STIM2: variants seen among roughly 807,000 people sequenced by gnomAD.
The protein encoded by STIM2 is stromal interaction molecule 2.
In STIM2, 31 loss-of-function variants were observed where a neutral mutation model predicts 85.8. The observed-to-expected ratio is 0.36, with a 90% CI of 0.27 to 0.49. STIM2 has a LOEUF of 0.49. Among genes scored for constraint, STIM2 ranks in the 20% least tolerant of loss-of-function variants. The pLI is 0.98. For synonymous variants in STIM2, 356 were observed against 331.1 expected, an observed-to-expected ratio of 1.08 and a Z score of -0.82; for missense variants, 841 against 927.6, an observed-to-expected ratio of 0.91 and a Z score of 1.21.
intron 2 of STIM2, among the ~76,000 whole-genome samples, chr4:26,923,367 C>G (rs997892399): frequency 6.6e-6 from 1 of 152,046 alleles, no homozygotes; most frequent in Non-Finnish European, 1.5e-5. Flanking sequence ...CAGAACAAAG[C>G]TGGATGGAGA....
At chr4:26,947,470 TG>T (rs1725876824) in intron 2 of STIM2, among the ~76,000 whole-genome samples, 1 of 151,854 alleles carries the variant, frequency 6.6e-6, no homozygotes, top group Non-Finnish European at 1.5e-5. Context: ...CCAGTGTGGG[TG>T]GGGAGTGGGG....
At chr4:26,887,183 CTTTTTTTTTTTTTTT>C (rs34736602) in intron 1 of STIM2, among the ~76,000 whole-genome samples, 1 of 70,944 alleles carries the variant, frequency 1.4e-5, no homozygotes, top group Non-Finnish European at 2.6e-5. Context: ...AATAATTAAA[CTTTTTTTTTTTTTTT>C]TTTTTTTTTG....
chr4:27,021,125 A>C (rs1577502565), intron 11 of STIM2: 1 of 1,434,176 alleles, frequency 7.0e-7, no homozygotes, highest in Non-Finnish European at 9.5e-7. Flanking sequence ...TCATTCATTC[A>C]CCCACCCTTC....
chr4:26,932,112 G>A (rs551526216), intron 2 of STIM2, among the ~76,000 whole-genome samples: 1 of 152,226 alleles, frequency 6.6e-6, no homozygotes, highest in East Asian at 1.9e-4. Flanking sequence ...TATCTTATAT[G>A]CAGATGAGGA....
At chr4:26,977,472 T>A (rs1253281815) in intron 3 of STIM2, among the ~76,000 whole-genome samples, 1 of 152,196 alleles carries the variant, frequency 6.6e-6, no homozygotes, top group African/African-American at 2.4e-5. Flanking sequence ...AATATTAGAC[T>A]CTTGAGGAGA....
intron 10 of STIM2, among the ~76,000 whole-genome samples, chr4:27,015,577 A>G (rs1339841728): frequency 6.6e-6 from 1 of 152,040 alleles, no homozygotes; most frequent in Non-Finnish European, 1.5e-5. Flanking sequence ...ATGTAACTAG[A>G]TATAAAATTC....
chr4:27,015,085 G>A (rs1728689985), intron 10 of STIM2, among the ~76,000 whole-genome samples: 1 of 151,744 alleles, frequency 6.6e-6, no homozygotes, highest in African/African-American at 2.4e-5. Flanking sequence ...AGCAGTAACT[G>A]GTTTTATTTT....
At chr4:27,019,744 T>A in intron 11 of STIM2, 1 of 305,154 alleles carries the variant, frequency 3.3e-6, no homozygotes, top group East Asian at 7.9e-5. Context: ...TATGCACATA[T>A]ATGCTCATTT....
Position 26,877,516 on chromosome 4 carries a change from GTT to G in STIM2, c.151+16159_151+16160del, listed in dbSNP as rs71643698. On this transcript the variant is annotated intron_variant, in intron 1 of 11. Transcript: ENST00000467087. ...TTGCTTTATCTCTTGACGATGGGTT[GTT>G]TTTTTTTTTTTCCTTCTTTAAATGT... Among the ~76,000 whole-genome samples, 185 of 139,238 alleles carry G rather than the reference GTT, an allele frequency of 1.3e-3. 1 individual carries two copies. The highest frequency in any genetic ancestry group is 4.5e-3 in the African/African-American group (174 of 38,516). 91.3% of individuals were successfully genotyped at this position (139,238 alleles called of 152,430 possible).
At chr4:26,947,806 A>G (rs554157363) in intron 2 of STIM2, among the ~76,000 whole-genome samples, 2 of 152,232 alleles carry the variant, frequency 1.3e-5, no homozygotes, top group South Asian at 2.1e-4. Context: ...CTTTGCACAC[A>G]TGAAAAAAAA....
chr4:26,914,342 A>G (rs757049476), intron 1 of STIM2, among the ~76,000 whole-genome samples: 5 of 152,190 alleles, frequency 3.3e-5, no homozygotes, highest in Non-Finnish European at 5.9e-5. Flanking sequence ...TTTGTTATAT[A>G]ATAATCATTA....
At position 27,019,511 on chromosome 4, in the gene STIM2, T is replaced by C. The variant is rs190518147; in HGVS notation, c.1763+1527T>C. ...GCACTGTCTAATAAAACTTCCTGCATTGATGGAACGTTCAGTTCTCATTTC... is the reference window on the plus strand; with the variant it reads ...GCACTGTCTAATAAAACTTCCTGCACTGATGGAACGTTCAGTTCTCATTTC... On this transcript the variant is annotated intron_variant, in intron 11 of 11. Transcript: ENST00000467087. 1,467 of 1,284,850 alleles carry C rather than the reference T, an allele frequency of 1.1e-3. 2 individuals carry two copies. Among genetic ancestry groups the C allele is most frequent in the Non-Finnish European group, 1.3e-3 (1,324 of 984,380 alleles). The allele number at this position is 1,284,850 out of a possible 1,614,324, so 79.6% of individuals were successfully genotyped here.
At position 26,861,009 on chromosome 4, in the gene STIM2, A is replaced by G; in HGVS notation, c.-210A>G. On this transcript the variant is annotated 5_prime_UTR_variant, in exon 1 of 12. Transcript: ENST00000467087. Reference sequence around the variant, plus strand: ...GGAGGCCGCCGGTGCCGATGGGACCAGGCTGGCGCCCGGCGGGAGCCCGTG... The same window carrying G: ...GGAGGCCGCCGGTGCCGATGGGACCGGGCTGGCGCCCGGCGGGAGCCCGTG... 8.0e-7 allele frequency: 1 copy of G among 1,246,954 alleles called. No homozygotes were observed. 77.2% of individuals were successfully genotyped at this position (1,246,954 alleles called of 1,614,324 possible).
chr4:26,978,146 G>A (rs566015093), intron 3 of STIM2, among the ~76,000 whole-genome samples: 1 of 151,772 alleles, frequency 6.6e-6, no homozygotes, highest in Non-Finnish European at 1.5e-5. Flanking sequence ...ACTTTAAAAA[G>A]GAAGAGCCAA....
rs1212382064 is a variant in STIM2, at chr4:26,928,070, C to T, written c.282+8436C>T. On this transcript the variant is annotated intron_variant, in intron 2 of 11. Transcript: ENST00000467087. ...AGATGGCTCCTTGAATGCTGCGTTG[C>T]CTGGAGGGAGGACTGTTTTCTTTTT... 2.0e-5 allele frequency among the ~76,000 whole-genome samples: 3 copies of T among 151,794 alleles called. No homozygotes were observed. The South Asian group carries it at 6.2e-4, about 31-fold the overall frequency.
chr4:26,982,285 C>A lies in STIM2; in HGVS notation c.398-13094C>A, dbSNP rs773481919. Among the ~76,000 whole-genome samples, 29 of 152,096 alleles carry A rather than the reference C, an allele frequency of 1.9e-4. 1 individual carries two copies. Among genetic ancestry groups the A allele is most frequent in the Non-Finnish European group, 3.7e-4 (25 of 67,988 alleles). On this transcript the variant is annotated intron_variant, in intron 3 of 11. Coordinates refer to ENST00000467087, the MANE Select transcript of STIM2 (RefSeq NM_020860.4). ...ACTTATGAATGCTTTGAAGATTGAT[C>A]TTCTGCATTTATTCATTTATATCCT...
At chr4:27,009,024 A>G in intron 10 of STIM2, 22 bp downstream of exon 10, 1 of 1,598,492 alleles carries the variant, frequency 6.3e-7, no homozygotes, top group Non-Finnish European at 8.6e-7. Flanking sequence ...TTTCAACAAA[A>G]ATTGTTGGTA....
chr4:26,977,331 G>A (rs1451877600), intron 3 of STIM2, among the ~76,000 whole-genome samples: 1 of 152,156 alleles, frequency 6.6e-6, no homozygotes. Context: ...GGACCTGGTA[G>A]GGCCAATAAG....
chr4:26,879,803 G>GAT (rs1484666979), intron 1 of STIM2, among the ~76,000 whole-genome samples: 4 of 152,114 alleles, frequency 2.6e-5, no homozygotes, highest in Admixed American at 6.5e-5. Context: ...AGTCCTAAGA[G>GAT]GTATACTTGA....
Sources: gnomAD v4.1 joint callset for allele counts (sites outside exome capture counted in the v4.1 genomes callset) on GRCh38, gnomAD v4.1.1 for gene constraint, MANE v1.5 for transcripts, NCBI Gene and HGNC (gene_info 2026-07-23, HGNC 2026-07-21) for gene names.